The following BICC1 variants were observed in gnomAD, a reference collection of about 807,000 sequenced individuals.
The protein encoded by BICC1 is BicC family RNA binding protein 1, also known as protein bicaudal C homolog 1.
Under a neutral mutation model 111.0 loss-of-function variants are expected in BICC1, and 43 were observed. The ratio of observed to expected loss-of-function variants is 0.39; its 90% CI spans 0.30 to 0.50. BICC1 has a LOEUF of 0.50. Ranked by LOEUF, BICC1 falls within the 20% of genes least tolerant of loss-of-function variation. The probability of loss-of-function intolerance (pLI) is 0.88; values close to 1 mark genes in which losing one functional copy is unlikely to be tolerated. For synonymous variants in BICC1, 467 were observed against 434.4 expected (o/e 1.07, Z -0.93); for missense variants, 1,091 against 1,203.2 (o/e 0.91, Z 1.38).
chr10:58,691,553 G>T (rs1437079667), intron 2 of BICC1, among the ~76,000 whole-genome samples: 1 of 152,148 alleles, frequency 6.6e-6, no homozygotes, highest in East Asian at 1.9e-4. Context: ...GCTTGCTTTG[G>T]CCCACAAAGT....
At chr10:58,738,554 T>C (rs868766643) in intron 3 of BICC1, among the ~76,000 whole-genome samples, 3,039 of 152,132 alleles carry the variant, frequency 0.02, 114 homozygotes, top group African/African-American at 0.07. Context: ...TGGCTTAGGA[T>C]TGACTTGGCA....
intron 16 of BICC1, 108 bp downstream of exon 16, chr10:58,806,731 C>G: frequency 9.4e-7 from 1 of 1,059,012 alleles, no homozygotes; most frequent in Non-Finnish European, 1.4e-6. Context: ...AAAAAGAAAC[C>G]TAGAATATTT....
At position 58,794,165 on chromosome 10, in the gene BICC1, TTGTGTGTGTG is replaced by T. The variant is rs71006206; in HGVS notation, c.1179+586_1179+595del. 1.5e-3 allele frequency among the ~76,000 whole-genome samples: 210 copies of T among 138,292 alleles called. 1 individual carries two copies. Among genetic ancestry groups the T allele is most frequent in the African/African-American group, 5.0e-3 (185 of 37,264 alleles). The allele number at this position is 138,292 out of a possible 152,430, so 90.7% of individuals were successfully genotyped here. ...GAGTTGATAAGGCTACTTACATGTT[TTGTGTGTGTG>T]TGTGTGTGTGTGTGTGTGTGTGTGT... On this transcript the variant is annotated intron_variant, in intron 9 of 20. Transcript: ENST00000373886.
At chr10:58,778,843 A>G (rs959959203) in intron 3 of BICC1, among the ~76,000 whole-genome samples, 2 of 152,192 alleles carry the variant, frequency 1.3e-5, no homozygotes, top group African/African-American at 4.8e-5. Flanking sequence ...CTCTTGAAAT[A>G]TACTTTGCTC....
intron 20 of BICC1, among the ~76,000 whole-genome samples, chr10:58,821,679 G>A (rs770929683): frequency 3.9e-5 from 6 of 152,118 alleles, no homozygotes; most frequent in Non-Finnish European, 8.8e-5. Context: ...GATATACTGT[G>A]TGTACCCAAG....
At chr10:58,569,612 C>T (rs905891974) in intron 1 of BICC1, among the ~76,000 whole-genome samples, 13 of 152,212 alleles carry the variant, frequency 8.5e-5, no homozygotes, top group African/African-American at 3.1e-4. Flanking sequence ...TTGTTGTTCA[C>T]CTCCCACTTA....
At chr10:58,789,629 G>T (rs778287880) in intron 7 of BICC1, 53 bp from the exon 8 acceptor site, 101 of 1,595,560 alleles carry the variant, frequency 6.3e-5, no homozygotes, top group Non-Finnish European at 8.1e-5. Context: ...ATCTTTCCCC[G>T]TATATGAACA....
intron 1 of BICC1, among the ~76,000 whole-genome samples, chr10:58,586,839 A>G (rs1844447173): frequency 6.6e-6 from 1 of 152,168 alleles, no homozygotes; most frequent in Non-Finnish European, 1.5e-5. Flanking sequence ...GTGCGTGTAA[A>G]TCAATGAGCT....
chr10:58,640,032 C>T (rs1411962642), intron 2 of BICC1, among the ~76,000 whole-genome samples: 1 of 152,084 alleles, frequency 6.6e-6, no homozygotes, highest in Non-Finnish European at 1.5e-5. Context: ...GAGCCTCATC[C>T]CTAAGATCTT....
chr10:58,575,804 T>C (rs1352877220), intron 1 of BICC1, among the ~76,000 whole-genome samples: 1 of 152,156 alleles, frequency 6.6e-6, no homozygotes, highest in East Asian at 1.9e-4. Flanking sequence ...ATAAATTGTA[T>C]TTACCTTCTA....
chr10:58,595,721 A>G (rs1844789650), intron 1 of BICC1, among the ~76,000 whole-genome samples: 1 of 152,206 alleles, frequency 6.6e-6, no homozygotes, highest in African/African-American at 2.4e-5. Context: ...AGCAGTGTGT[A>G]GAGGGAAATT....
chr10:58,513,543 G>T (rs143335902), intron 1 of BICC1, among the ~76,000 whole-genome samples: 64 of 152,330 alleles, frequency 4.2e-4, no homozygotes, highest in African/African-American at 1.5e-3. Context: ...TCCAGGCGCT[G>T]GGGGCCCTGT....
rs1306456445 is a variant in BICC1, at chr10:58,620,912, T to C, written c.237+11T>C. The C allele has an allele frequency of 2.5e-6, 4 of 1,612,394 alleles. No individual in the cohort carries two copies. Among genetic ancestry groups the C allele is most frequent in the Non-Finnish European group, 2.5e-6 (3 of 1,178,768 alleles). On this transcript the variant is annotated intron_variant, in intron 2 of 20. Coordinates refer to ENST00000373886, the MANE Select transcript of BICC1 (RefSeq NM_001080512.3). ...GACTTTTTTCAAAAGGTAAGTTGTC[T>C]TTTACTCTTGTCATGGTGATAAGTA...
At chr10:58,563,188 C>A (rs2131955489) in intron 1 of BICC1, among the ~76,000 whole-genome samples, 1 of 152,086 alleles carries the variant, frequency 6.6e-6, no homozygotes, top group East Asian at 1.9e-4. Flanking sequence ...GATATTAGGC[C>A]CCAGGGAAAG....
Position 58,789,397 on chromosome 10 carries a change from C to A in BICC1, c.736C>A (p.Arg246=). The A allele has an allele frequency of 6.2e-7, 1 of 1,613,994 alleles. No individual in the cohort carries two copies. The highest frequency in any genetic ancestry group is 1.1e-5 in the South Asian group (1 of 91,066). The change falls in exon 7 of 21, where the codon CGA becomes AGA. Residue 246 remains arginine (R), a synonymous_variant. Transcript: ENST00000373886. ...NISVSFKQRS[R]MYGATVIVRG... ...TTCAGTATCATTTAAACAGCGTTCC[C>A]GAATGTATGGTGCTACTGTCATAGT...
chr10:58,814,609 C>T (rs1844025120), intron 18 of BICC1, among the ~76,000 whole-genome samples: 1 of 122,552 alleles, frequency 8.2e-6, no homozygotes, highest in African/African-American at 3.1e-5. Flanking sequence ...AGTGAGATTT[C>T]ATCTCTACTA....
At chr10:58,600,556 A>T (rs1844992897) in intron 1 of BICC1, among the ~76,000 whole-genome samples, 1 of 152,162 alleles carries the variant, frequency 6.6e-6, no homozygotes, top group Admixed American at 6.5e-5. Flanking sequence ...TTTCTTTACT[A>T]GATTTAGTTA....
intron 2 of BICC1, among the ~76,000 whole-genome samples, chr10:58,631,646 G>A (rs982051975): frequency 2.0e-5 from 3 of 152,160 alleles, no homozygotes; most frequent in Non-Finnish European, 4.4e-5. Context: ...AAGTAGGGAA[G>A]GAGGGAATTT....
Position 58,663,128 on chromosome 10 carries a change from A to C in BICC1, c.238-38946A>C, listed in dbSNP as rs182412918. ...GTTGCCCAGGCTGCAGTGCAGTGGC[A>C]CTATCTCGGCTCACTGCAACCTTTG... is the stretch of plus-strand genomic sequence containing the variant. On this transcript the variant is annotated intron_variant, in intron 2 of 20. Coordinates refer to ENST00000373886, the MANE Select transcript of BICC1 (RefSeq NM_001080512.3). 9.5e-4 allele frequency among the ~76,000 whole-genome samples: 128 copies of C among 134,968 alleles called. 1 individual carries two copies. The highest frequency in any genetic ancestry group is 3.4e-3 in the African/African-American group (121 of 35,352). 88.5% of individuals were successfully genotyped at this position (134,968 alleles called of 152,430 possible).
Sources: allele counts gnomAD v4.1 joint callset (sites outside exome capture counted in the v4.1 genomes callset), GRCh38; gene constraint gnomAD v4.1.1; transcripts MANE v1.5; gene names NCBI Gene and HGNC (gene_info 2026-07-23, HGNC 2026-07-21).